The following ZNF532 variants were observed in gnomAD, a reference collection of about 807,000 sequenced individuals.
ZNF532 encodes zinc finger protein 532.
A neutral mutation model predicts 89.3 loss-of-function variants in ZNF532; 22 were observed. The ratio of observed to expected loss-of-function variants is 0.25; its 90% CI spans 0.18 to 0.35. ZNF532 has a LOEUF of 0.35. ZNF532 is among the 10% of genes least tolerant of loss of function. The pLI is 1.00. For missense variants in ZNF532, 1,132 were observed against 1,643.4 expected (o/e 0.69, Z 5.38); for synonymous variants, 606 against 649.6 (o/e 0.93, Z 1.02).
chr18:58,946,166 A>G (rs118080615), intron 5 of ZNF532, among the ~76,000 whole-genome samples: 2,066 of 152,196 alleles, frequency 0.014, 23 homozygotes, highest in Non-Finnish European at 0.022. Context: ...TTTCTTTTCT[A>G]TGCCCTTTAA....
chr18:58,888,786 A>ATTTAT (rs1568246501), intron 2 of ZNF532, among the ~76,000 whole-genome samples: 2 of 6,198 alleles, frequency 3.2e-4, no homozygotes, highest in South Asian at 7.1e-3. Context: ...TATATATATA[A>ATTTAT]AATATATATA....
chr18:58,908,560 A>C (rs1164616164), intron 2 of ZNF532, among the ~76,000 whole-genome samples: 6 of 152,258 alleles, frequency 3.9e-5, no homozygotes, highest in Non-Finnish European at 7.3e-5. Context: ...AGGAAAAGTG[A>C]AATACAGTAA....
chr18:58,921,172 A>G (rs1411607308), intron 3 of ZNF532, among the ~76,000 whole-genome samples: 4 of 151,942 alleles, frequency 2.6e-5, no homozygotes, highest in Admixed American at 2.6e-4. Context: ...GATAATATAT[A>G]TATACTAGTT....
intron 2 of ZNF532, among the ~76,000 whole-genome samples, chr18:58,874,820 T>TC (rs1296436888): frequency 3.3e-5 from 5 of 152,182 alleles, no homozygotes; most frequent in African/African-American, 1.2e-4. Context: ...TCTGACCCTT[T>TC]CCCCCGGCAC....
intron 3 of ZNF532, among the ~76,000 whole-genome samples, chr18:58,923,387 A>G (rs2146193462): frequency 6.6e-6 from 1 of 151,212 alleles, no homozygotes; most frequent in East Asian, 1.9e-4. Context: ...TGTCACTCAG[A>G]CCCAAGAGGG....
intron 3 of ZNF532, among the ~76,000 whole-genome samples, chr18:58,929,137 G>A (rs2061751278): frequency 2.0e-5 from 3 of 152,168 alleles, no homozygotes; most frequent in East Asian, 1.9e-4. Flanking sequence ...CAAAATTTCT[G>A]TATTGCTGGT....
chr18:58,926,269 G>C (rs1431454145), intron 3 of ZNF532: 1 of 152,106 alleles, frequency 6.6e-6, no homozygotes, highest in African/African-American at 2.4e-5. Flanking sequence ...TACTACACTT[G>C]TTCTTAGCCA....
chr18:58,901,740 A>G (rs1275564058), intron 2 of ZNF532, among the ~76,000 whole-genome samples: 1 of 152,144 alleles, frequency 6.6e-6, no homozygotes, highest in African/African-American at 2.4e-5. Context: ...ATTGCCCTGA[A>G]TGGGTACTGG....
chr18:58,971,022 G>A (rs1218075928), intron 7 of ZNF532, among the ~76,000 whole-genome samples: 1 of 152,174 alleles, frequency 6.6e-6, no homozygotes, highest in East Asian at 1.9e-4. Flanking sequence ...CATCTGCTCC[G>A]GATTTGGCCT....
chr18:58,895,319 C>T (rs1723659136), intron 2 of ZNF532, among the ~76,000 whole-genome samples: 1 of 152,230 alleles, frequency 6.6e-6, no homozygotes, highest in African/African-American at 2.4e-5. Flanking sequence ...GTACACCTCC[C>T]AGATGCTGTT....
chr18:58,967,959 C>T (rs780084798), intron 7 of ZNF532, among the ~76,000 whole-genome samples: 1 of 152,310 alleles, frequency 6.6e-6, no homozygotes, highest in Non-Finnish European at 1.5e-5. Flanking sequence ...TATCTTTGCA[C>T]ATGAAGTACA....
intron 7 of ZNF532, among the ~76,000 whole-genome samples, chr18:58,973,735 C>T (rs1162479672): frequency 1.3e-5 from 2 of 152,136 alleles, no homozygotes; most frequent in Admixed American, 1.3e-4. Flanking sequence ...TAGAAAATCC[C>T]TAAATGGCTT....
chr18:58,875,880 G>A (rs547175820), intron 2 of ZNF532, among the ~76,000 whole-genome samples: 8 of 150,600 alleles, frequency 5.3e-5, no homozygotes, highest in African/African-American at 1.2e-4. Flanking sequence ...AGCCCTTGTC[G>A]TCTAGAGTGT....
chr18:58,944,904 A>G (rs565999092), intron 5 of ZNF532, among the ~76,000 whole-genome samples: 2 of 152,082 alleles, frequency 1.3e-5, no homozygotes, highest in Non-Finnish European at 2.9e-5. Context: ...ATTTAGGAGG[A>G]AAGGGGGACC....
intron 2 of ZNF532, among the ~76,000 whole-genome samples, chr18:58,881,806 G>A (rs2057947972): frequency 1.3e-5 from 2 of 152,220 alleles, no homozygotes; most frequent in South Asian, 2.1e-4. Context: ...TGATGTGGCT[G>A]TAGCTACTCA....
At chr18:58,922,513 C>G (rs76561902) in intron 3 of ZNF532, among the ~76,000 whole-genome samples, 1 of 152,314 alleles carries the variant, frequency 6.6e-6, no homozygotes, top group African/African-American at 2.4e-5. Context: ...AAAGCAGCAA[C>G]TTAGTTCAAG....
chr18:58,880,763 C>CTGTGTGTGTGGGTGTGTGTGT (rs770638520), intron 2 of ZNF532, among the ~76,000 whole-genome samples: 1 of 119,624 alleles, frequency 8.4e-6, no homozygotes. Flanking sequence ...CGCGCGCGCA[C>CTGTGTGTGTGGGTGTGTGTGT]GCGCGCGCGT....
chr18:58,917,703 GTT>G (rs1179170456), intron 2 of ZNF532, among the ~76,000 whole-genome samples: 2 of 145,646 alleles, frequency 1.4e-5, no homozygotes. Context: ...GCTCCTTAGG[GTT>G]TTTTTTTTTT....
intron 5 of ZNF532, among the ~76,000 whole-genome samples, chr18:58,940,922 T>TCACACA (rs1360768932): frequency 4.8e-5 from 1 of 20,668 alleles, no homozygotes; most frequent in South Asian, 3.4e-3. Flanking sequence ...ATGCCATATT[T>TCACACA]TACACACACA....
Sources: allele counts gnomAD v4.1 joint callset (sites outside exome capture counted in the v4.1 genomes callset), GRCh38; gene constraint gnomAD v4.1.1; transcripts MANE v1.5; gene names NCBI Gene and HGNC (gene_info 2026-07-23, HGNC 2026-07-21).